Variants in ADGRL2 observed in about 807,000 individuals in gnomAD.
The protein encoded by ADGRL2 is adhesion G protein-coupled receptor L2, also known as calcium-independent alpha-latrotoxin receptor 2.
Under a neutral mutation model 157.4 loss-of-function variants are expected in ADGRL2, and 44 were observed. That is an observed-to-expected ratio of 0.28 (90% CI 0.22 to 0.36). The LOEUF is 0.36. ADGRL2 is among the 10% of genes least tolerant of loss of function. The pLI is 1.00. For synonymous variants in ADGRL2, 585 were observed against 624.7 expected (o/e 0.94, Z 0.95); for missense variants, 1,510 against 1,768.9 (o/e 0.85, Z 2.63).
intron 3 of ADGRL2, chr1:81,596,144 A>T: frequency 4.5e-6 from 2 of 447,366 alleles, no homozygotes; most frequent in South Asian, 1.9e-5. Context: ...TTATTAAAAT[A>T]GTTGACTTAA....
chr1:81,799,778 GA>G (rs983708875), upstream of ADGRL2, among the ~76,000 whole-genome samples: 15 of 151,190 alleles, frequency 9.9e-5, 1 homozygote, highest in Admixed American at 9.2e-4. Flanking sequence ...TTTTTTTCTT[GA>G]AAAAAAGGTA....
intron 2 of ADGRL2, among the ~76,000 whole-genome samples, chr1:81,854,026 T>G (rs2093115271): frequency 6.6e-6 from 1 of 152,104 alleles, no homozygotes; most frequent in Non-Finnish European, 1.5e-5. Flanking sequence ...TTTAAAAGAG[T>G]TTATGGCCTG....
intron 1 of ADGRL2, among the ~76,000 whole-genome samples, chr1:81,745,912 G>T (rs1474267356): frequency 6.6e-6 from 1 of 152,096 alleles, no homozygotes; most frequent in Non-Finnish European, 1.5e-5. Context: ...ATGACTCGAG[G>T]CCAAAAGAAT....
intron 19 of ADGRL2, chr1:81,984,276 A>G (rs1349696549): frequency 5.7e-6 from 1 of 176,466 alleles, no homozygotes; most frequent in East Asian, 1.4e-4. Flanking sequence ...ATATGAGAAT[A>G]AAACTATAAA....
At chr1:81,777,339 T>G in intron 2 of ADGRL2, among the ~76,000 whole-genome samples, 1 of 152,224 alleles carries the variant, frequency 6.6e-6, no homozygotes, top group African/African-American at 2.4e-5. Flanking sequence ...GTTCCTCATT[T>G]TTTCCCCCAG....
intron 1 of ADGRL2, among the ~76,000 whole-genome samples, chr1:81,328,102 A>C (rs1415350897): frequency 6.6e-6 from 1 of 152,144 alleles, no homozygotes; most frequent in Non-Finnish European, 1.5e-5. Flanking sequence ...CCTTTCATTC[A>C]AAGTGCCATA....
chr1:81,821,420 A>G (rs1004800476), intron 1 of ADGRL2, among the ~76,000 whole-genome samples: 1 of 152,164 alleles, frequency 6.6e-6, no homozygotes, highest in Non-Finnish European at 1.5e-5. Context: ...GGGTCATTAC[A>G]TACCACAGGT....
intron 3 of ADGRL2, among the ~76,000 whole-genome samples, chr1:81,651,235 T>C (rs949485674): frequency 9.9e-5 from 15 of 152,172 alleles, no homozygotes; most frequent in Admixed American, 9.2e-4. Flanking sequence ...TTTCTTCATT[T>C]CAGTTTACAT....
At chr1:81,873,240 G>A (rs1359239800) in intron 2 of ADGRL2, among the ~76,000 whole-genome samples, 1 of 152,026 alleles carries the variant, frequency 6.6e-6, no homozygotes, top group Non-Finnish European at 1.5e-5. Context: ...CTTCTGTCCT[G>A]TACTCTTAAT....
At chr1:81,504,611 G>A (rs2078929333) in intron 2 of ADGRL2, among the ~76,000 whole-genome samples, 1 of 152,174 alleles carries the variant, frequency 6.6e-6, no homozygotes, top group Admixed American at 6.5e-5. Context: ...GCCCAGTGAG[G>A]AGGTGGGTGG....
Position 81,543,230 on chromosome 1 carries a change from G to A in ADGRL2, c.-247-37646G>A, listed in dbSNP as rs539153013. Among the ~76,000 whole-genome samples, 237 of 151,880 alleles carry A rather than the reference G, an allele frequency of 1.6e-3. 3 individuals carry two copies. The highest frequency in any genetic ancestry group is 5.6e-3 in the African/African-American group (232 of 41,308). Reference sequence around the variant, plus strand: ...CCAACATGGTGGTATTAGGAAATGGGGCCTTTGCTAGGTGATTCAAGTGTG... The same window carrying A: ...CCAACATGGTGGTATTAGGAAATGGAGCCTTTGCTAGGTGATTCAAGTGTG... On this transcript the variant is annotated intron_variant, in intron 2 of 24. Transcript: ENST00000370721.
rs376974720 is a variant in ADGRL2, at chr1:81,845,527, G to A, written c.73+8470G>A. ...TTAACACTTTGATTTGTAAAAAAGG[G>A]TATCTGATTATAAATTAAATTTGTA... On this transcript the variant is annotated intron_variant, in intron 2 of 23. Coordinates refer to ENST00000686636, the MANE Select transcript of ADGRL2 (RefSeq NM_001366006.2). Among the ~76,000 whole-genome samples the A allele has an allele frequency of 1.2e-3, 181 of 152,042 alleles. 6 individuals are homozygous for A. In the South Asian group the frequency reaches 0.032, roughly 27 times the overall value.
chr1:81,462,404 ACACT>A (rs2077956667), intron 2 of ADGRL2, among the ~76,000 whole-genome samples: 1 of 152,008 alleles, frequency 6.6e-6, no homozygotes, highest in South Asian at 2.1e-4. Flanking sequence ...AAGAGCTGTA[ACACT>A]CACCGTGAGG....
intron 2 of ADGRL2, among the ~76,000 whole-genome samples, chr1:81,855,167 A>C (rs890281709): frequency 6.6e-6 from 1 of 152,140 alleles, no homozygotes; most frequent in Non-Finnish European, 1.5e-5. Flanking sequence ...AGCCAGGCAC[A>C]GTGGCTCGTG....
At chr1:81,961,543 TGTC>T (rs1655403357) in intron 11 of ADGRL2, among the ~76,000 whole-genome samples, 1 of 151,228 alleles carries the variant, frequency 6.6e-6, no homozygotes, top group African/African-American at 2.4e-5. Context: ...GTTTTGCTCT[TGTC>T]GTCCAGGCTA....
intron 2 of ADGRL2, among the ~76,000 whole-genome samples, chr1:81,870,446 G>T (rs1188658069): frequency 6.6e-6 from 1 of 151,918 alleles, no homozygotes; most frequent in African/African-American, 2.4e-5. Flanking sequence ...GAAATTGCAA[G>T]GATCAATTTT....
intron 3 of ADGRL2, among the ~76,000 whole-genome samples, chr1:81,659,573 C>T (rs138931523): frequency 2.1e-4 from 32 of 152,248 alleles, no homozygotes; most frequent in East Asian, 5.8e-4. Context: ...TCCCAGAGAA[C>T]GCATTCATTT....
chr1:81,964,533 T>G (rs1656471158), intron 11 of ADGRL2, among the ~76,000 whole-genome samples: 1 of 152,082 alleles, frequency 6.6e-6, no homozygotes. Flanking sequence ...AAATTTGTAT[T>G]TCAGGGTTTG....
At chr1:81,808,024 T>C (rs532165764) in intron 1 of ADGRL2, among the ~76,000 whole-genome samples, 12 of 151,844 alleles carry the variant, frequency 7.9e-5, no homozygotes, top group African/African-American at 2.4e-4. Context: ...AAAAAAAAAG[T>C]AGATGGAATA....
Sources: gnomAD v4.1 joint callset for allele counts (sites outside exome capture counted in the v4.1 genomes callset) on GRCh38, gnomAD v4.1.1 for gene constraint, MANE v1.5 for transcripts, NCBI Gene and HGNC (gene_info 2026-07-23, HGNC 2026-07-21) for gene names.